Variants in FAT2 observed in about 807,000 individuals in gnomAD.
The protein encoded by FAT2 is FAT atypical cadherin 2, also known as protocadherin Fat 2.
In FAT2, 150 loss-of-function variants were observed where a neutral mutation model predicts 295.3. The observed-to-expected ratio is 0.51, with a 90% CI of 0.44 to 0.58. The LOEUF is 0.58. FAT2 is among the 20% of genes least tolerant of loss of function. FAT2 has a pLI of 0.00. For synonymous variants in FAT2, 2,026 were observed against 2,150.3 expected (o/e 0.94, Z 1.60); for missense variants, 4,868 against 5,442.7 (o/e 0.89, Z 3.32).
chr5:151,512,912 A>T lies in FAT2; in HGVS notation c.11464-306T>A. On this transcript the variant is annotated intron_variant, in intron 20 of 23. Transcript: ENST00000261800. The surrounding 1 kb of genome is among the most constrained non-coding windows in gnomAD (Gnocchi z 4.1). ...GACCCTGTATTTTGGATGCTTCTTC[A>T]CAGGCCTGTCCAGAGTTCCACACTT... 1 of 391,698 alleles carries T rather than the reference A, an allele frequency of 2.6e-6. No homozygotes were observed. The highest frequency in any genetic ancestry group is 4.7e-6 in the Non-Finnish European group (1 of 213,672). The allele number at this position is 391,698 out of a possible 1,614,324, so 24.3% of individuals were successfully genotyped here.
rs1426770120 is a variant in FAT2 at position 151,529,167 on chromosome 5, C to T, written c.10026+11G>A. On this transcript the variant is annotated intron_variant, in intron 15 of 23. Transcript: ENST00000261800. The stretch of plus-strand genomic sequence containing the variant: ...TCTTGTCCCACAAAGAGCAAGGTGG[C>T]AGATCCTTACCGTGAGGATGACGTC... 6.2e-7 allele frequency: 1 copy of T among 1,612,762 alleles called. No homozygotes were observed. The highest frequency in any genetic ancestry group is 8.5e-7 in the Non-Finnish European group (1 of 1,178,886).
intron 22 of FAT2, among the ~76,000 whole-genome samples, chr5:151,509,296 C>T (rs1402631639): frequency 6.6e-6 from 1 of 152,216 alleles, no homozygotes; most frequent in East Asian, 1.9e-4. Flanking sequence ...ACAGTATGTT[C>T]AGAATAGGGC....
Position 151,567,449 on chromosome 5 carries a change from AG to A in FAT2, c.1482del (p.Tyr495IlefsTer31). ...DRDHGENGYVTYSIAGPKALP... is the reference protein window; with the variant it reads ...DRDHGENGYVXYSIAGPKALP... ...AAAGCTTTTGGTCCAGCAATGGAAT[AG>A]GTGACATATCCATTTTCCCCATGAT... On this transcript the variant is annotated frameshift_variant, in exon 2 of 24. Transcript: ENST00000261800. LOFTEE classifies it high-confidence loss of function. 6.2e-7 allele frequency: 1 copy of A among 1,614,180 alleles called. No homozygotes were observed. The highest frequency in any genetic ancestry group is 8.5e-7 in the Non-Finnish European group (1 of 1,180,014).
intron 20 of FAT2, among the ~76,000 whole-genome samples, chr5:151,515,511 C>T (rs1343658973): frequency 3.9e-5 from 6 of 152,118 alleles, no homozygotes; most frequent in Non-Finnish European, 8.8e-5. Context: ...CTTACACATC[C>T]GAAACTGCAC....
chr5:151,514,938 C>G (rs1393706933), intron 20 of FAT2, among the ~76,000 whole-genome samples: 1 of 152,186 alleles, frequency 6.6e-6, no homozygotes, highest in Non-Finnish European at 1.5e-5. Context: ...TTGCTCTAAT[C>G]TTTATTTTCA....
intron 11 of FAT2, among the ~76,000 whole-genome samples, chr5:151,538,928 C>T (rs1039161969): frequency 2.2e-4 from 33 of 152,056 alleles, no homozygotes; most frequent in African/African-American, 7.2e-4. Flanking sequence ...TCAGGTGATC[C>T]GCCTGCCTCG....
intron 8 of FAT2, 67 bp from the exon 9 acceptor site, chr5:151,549,572 G>C: frequency 1.4e-6 from 2 of 1,395,486 alleles, no homozygotes; most frequent in Non-Finnish European, 2.0e-6. Context: ...GTTAGGGTAA[G>C]GTTAATGAAC....
chr5:151,530,521 A>C (rs1002519528), intron 14 of FAT2, among the ~76,000 whole-genome samples: 1 of 152,246 alleles, frequency 6.6e-6, no homozygotes, highest in Non-Finnish European at 1.5e-5. Flanking sequence ...AATAAAGAGG[A>C]AGAAGAAAAT....
Position 151,506,937 on chromosome 5 carries a change from A to G in FAT2, c.12517+217T>C, listed in dbSNP as rs146472793. Among the ~76,000 whole-genome samples the G allele has an allele frequency of 4.4e-4, 67 of 152,288 alleles. No individual in the cohort carries two copies. The East Asian group carries it at 0.012, about 27-fold the overall frequency. ...TCATGAACCTCAATCCCATGGAGTG[A>G]CTTGGAATTTAAAGGAGTGCAATAG... On this transcript the variant is annotated intron_variant, in intron 23 of 23. Transcript: ENST00000261800.
At chr5:151,556,290 A>G (rs773130166) in intron 4 of FAT2, 54 bp downstream of exon 4, 2 of 1,501,548 alleles carry the variant, frequency 1.3e-6, no homozygotes, top group Non-Finnish European at 1.9e-6. Context: ...CGTGGCTCCA[A>G]GGCCTAACAT....
At chr5:151,517,023 G>A (rs756317873) in intron 20 of FAT2, among the ~76,000 whole-genome samples, 4 of 151,568 alleles carry the variant, frequency 2.6e-5, no homozygotes, top group Non-Finnish European at 5.9e-5. Context: ...CAGGAGAATC[G>A]CTTGAACCTG....
chr5:151,585,109 A>T (rs1333171075), intron 1 of FAT2, among the ~76,000 whole-genome samples: 1 of 152,232 alleles, frequency 6.6e-6, no homozygotes, highest in Non-Finnish European at 1.5e-5. Context: ...GACCTCTCTA[A>T]TAATTGGAGT....
In FAT2 at chr5:151,528,071, C is replaced by T; in HGVS notation, c.10089G>A (p.Gly3363=). Residue 3363 remains glycine, a synonymous_variant, in exon 16 of 24, where the codon GGG becomes GGA. Transcript: ENST00000261800. The stretch of plus-strand genomic sequence containing the variant: ...GAATGGTGAAGTGCCCAAGCTGGTT[C>T]CCTCCTATGAGGCTATAGGTAATGT... ...NSDITYSLIG[G]NQLGHFTIHP... 6.2e-7 allele frequency: 1 copy of T among 1,614,200 alleles called. No homozygotes were observed. Among genetic ancestry groups the T allele is most frequent in the Non-Finnish European group, 8.5e-7 (1 of 1,180,032 alleles).
Position 151,550,854 on chromosome 5 carries a change from A to C in FAT2, c.4314T>G (p.Ile1438Met). ...GGGGCCGATGGTGGTTAATGTTGGCAATCATGAAGATGTGGACCTAGGGAG... is the reference window on the plus strand; with the variant it reads ...GGGGCCGATGGTGGTTAATGTTGGCCATCATGAAGATGTGGACCTAGGGAG... ...TIATQVHIFM[I>M]ANINHHRPQF... Residue 1438 changes from isoleucine (I) to methionine (M), a missense_variant, in exon 8 of 24, where the codon ATT becomes ATG. Physicochemically the swap from Ile to Met is conservative, Grantham distance 10. Transcript: ENST00000261800. 2 of 1,613,134 alleles carry C rather than the reference A, an allele frequency of 1.2e-6. No homozygotes were observed. The highest frequency in any genetic ancestry group is 1.7e-6 in the Non-Finnish European group (2 of 1,179,966).
intron 11 of FAT2, among the ~76,000 whole-genome samples, chr5:151,540,275 C>T (rs1023285051): frequency 1.3e-5 from 2 of 152,162 alleles, no homozygotes; most frequent in African/African-American, 4.8e-5. Flanking sequence ...TAGTCTGAGG[C>T]TTGCTGGGGA....
At chr5:151,556,087 C>T (rs1283122529) in intron 4 of FAT2, among the ~76,000 whole-genome samples, 2 of 152,112 alleles carry the variant, frequency 1.3e-5, no homozygotes, top group Admixed American at 1.3e-4. Flanking sequence ...TGTACTGCTC[C>T]CCTCTCCTTC....
Position 151,542,421 on chromosome 5 carries a change from A to C in FAT2, c.8706T>G (p.Asn2902Lys). ...VQVSITDEND[N>K]APRFASEEYR... The stretch of plus-strand genomic sequence containing the variant: ...ACTCTTCAGAAGCAAATCGGGGAGC[A>C]TTGTCATTCTCATCTGTAATGGAGA... The change falls in exon 10 of 24, where the codon AAT (asparagine) becomes AAG (lysine). Residue 2902 changes from asparagine (N) to lysine (K), a missense_variant. Asn to Lys is a moderately conservative substitution (Grantham distance 94). Coordinates refer to ENST00000261800, the MANE Select transcript of FAT2 (RefSeq NM_001447.3). 6.2e-7 allele frequency: 1 copy of C among 1,614,192 alleles called. No individual in the cohort carries two copies. The highest frequency in any genetic ancestry group is 2.2e-5 in the East Asian group (1 of 44,888).
chr5:151,507,337 T>TG lies in FAT2; in HGVS notation c.12333dup (p.Asn4112GlnfsTer16), dbSNP rs770681196. On this transcript the variant is annotated frameshift_variant, in exon 23 of 24. Transcript: ENST00000261800. LOFTEE classifies it high-confidence loss of function. ...CTGGGTTCCGGTTGGTTGAGGTTGT[T>TG]GCAGGAGCTGGCACTCAATGGGTTG... The TG allele has an allele frequency of 2.5e-6, 4 of 1,614,176 alleles. No individual in the cohort carries two copies. The highest frequency in any genetic ancestry group is 3.4e-6 in the Non-Finnish European group (4 of 1,180,018).
In FAT2 at chr5:151,540,685, C is replaced by T. The variant is rs747745000; in HGVS notation, c.8921G>A (p.Arg2974His). The change falls in exon 11 of 24, where the codon CGC (arginine) becomes CAC (histidine). Residue 2974 changes from arginine (R) to histidine (H), a missense_variant. Arg to His is a conservative substitution (Grantham distance 29). This residue lies in a region of FAT2 where 3,297 missense variants were observed against 3,669.4 expected (regional missense o/e 0.90). Coordinates refer to ENST00000261800, the MANE Select transcript of FAT2 (RefSeq NM_001447.3). ...WRISSRKTLD[R>H]EHTAKYLLRV... ...GAGCAAGTACTTGGCTGTATGCTCG[C>T]GGTCCAGGGTCTTCCTTGAGGAAAT... 26 of 1,614,094 alleles carry T rather than the reference C, an allele frequency of 1.6e-5. No homozygotes were observed. Among genetic ancestry groups the T allele is most frequent in the African/African-American group, 8.0e-5 (6 of 74,926 alleles).
Sources: gnomAD v4.1 joint callset for allele counts (sites outside exome capture counted in the v4.1 genomes callset) on GRCh38, gnomAD v4.1.1 for gene constraint, gnomAD v4.1.1 regional missense constraint, Gnocchi (gnomAD v3.1) non-coding constraint, MANE v1.5 for transcripts, NCBI Gene and HGNC (gene_info 2026-07-23, HGNC 2026-07-21) for gene names.